The following EHBP1 variants were observed in gnomAD, a reference collection of about 807,000 sequenced individuals.
EHBP1 encodes the protein EH domain binding protein 1, also known as EH domain-binding protein 1.
EHBP1 carries 55 observed loss-of-function variants against 144.0 expected under a neutral mutation model. The ratio of observed to expected loss-of-function variants is 0.38; its 90% confidence interval spans 0.31 to 0.48. The LOEUF (loss-of-function observed/expected upper bound fraction) is 0.48. Among genes scored for constraint, EHBP1 ranks in the 20% least tolerant of loss-of-function variants. EHBP1 has a pLI of 0.98. For synonymous variants in EHBP1, 469 were observed against 472.7 expected, an observed-to-expected ratio of 0.99 and a Z score of 0.10; for missense variants, 1,200 against 1,364.2, an observed-to-expected ratio of 0.88 and a Z score of 1.90.
At chr2:62,695,830 A>G (rs752431210) in intron 1 of EHBP1, among the ~76,000 whole-genome samples, 46 of 152,058 alleles carry the variant, frequency 3.0e-4, no homozygotes, top group Non-Finnish European at 5.6e-4. Flanking sequence ...CTCCCACCCC[A>G]GCCTTCCAAG....
At chr2:62,887,962 T>C (rs192662954) in intron 10 of EHBP1, among the ~76,000 whole-genome samples, 2 of 152,324 alleles carry the variant, frequency 1.3e-5, no homozygotes, top group Non-Finnish European at 2.9e-5. Context: ...GAATTACTGG[T>C]GAGGAAGTTG....
At chr2:62,969,625 C>T (rs2058404407) in intron 14 of EHBP1, among the ~76,000 whole-genome samples, 1 of 151,942 alleles carries the variant, frequency 6.6e-6, no homozygotes, top group African/African-American at 2.4e-5. Flanking sequence ...GTATCTTAAA[C>T]AAATCCAAAA....
chr2:62,749,824 G>A (rs2039509358), intron 3 of EHBP1, among the ~76,000 whole-genome samples: 1 of 152,124 alleles, frequency 6.6e-6, no homozygotes, highest in African/African-American at 2.4e-5. Flanking sequence ...ACTTGTTGAT[G>A]GAGTTGTTTG....
chr2:62,981,770 G>C (rs1026404679), intron 15 of EHBP1, among the ~76,000 whole-genome samples: 1 of 152,180 alleles, frequency 6.6e-6, no homozygotes, highest in Non-Finnish European at 1.5e-5. Flanking sequence ...GATCTATAGA[G>C]TTGGCAAGGA....
At chr2:62,931,823 C>T (rs762474374) in intron 10 of EHBP1, among the ~76,000 whole-genome samples, 113 of 152,002 alleles carry the variant, frequency 7.4e-4, no homozygotes, top group Non-Finnish European at 1.5e-3. Flanking sequence ...GTTGAAAAAG[C>T]GAAGTATGAT....
chr2:62,972,232 A>T (rs981587535), intron 14 of EHBP1, among the ~76,000 whole-genome samples: 5 of 152,196 alleles, frequency 3.3e-5, no homozygotes, highest in African/African-American at 1.2e-4. Context: ...TCTTAGGTTT[A>T]GGCAAACTCA....
At chr2:62,801,044 A>G (rs2043940610) in intron 5 of EHBP1, among the ~76,000 whole-genome samples, 3 of 152,230 alleles carry the variant, frequency 2.0e-5, no homozygotes, top group Non-Finnish European at 4.4e-5. Flanking sequence ...CTGGATTTTT[A>G]TATCCTGTTT....
chr2:62,804,739 G>A (rs1376822321), intron 5 of EHBP1, among the ~76,000 whole-genome samples: 1 of 152,210 alleles, frequency 6.6e-6, no homozygotes, highest in Non-Finnish European at 1.5e-5. Flanking sequence ...GGCCTGTTAG[G>A]AACCAGGCTG....
chr2:62,720,486 T>G (rs1312333511), intron 2 of EHBP1, among the ~76,000 whole-genome samples: 1 of 152,190 alleles, frequency 6.6e-6, no homozygotes, highest in Non-Finnish European at 1.5e-5. Context: ...TTCTTCTCTT[T>G]CCCTCTCCAA....
chr2:62,685,492 G>T (rs1050361437), intron 1 of EHBP1, among the ~76,000 whole-genome samples: 2 of 152,024 alleles, frequency 1.3e-5, no homozygotes, highest in African/African-American at 2.4e-5. Context: ...TCTCTCTGTG[G>T]TTGTCTGTGT....
chr2:62,974,964 G>A (rs941026641), intron 14 of EHBP1, among the ~76,000 whole-genome samples: 3 of 152,186 alleles, frequency 2.0e-5, no homozygotes, highest in African/African-American at 7.2e-5. Flanking sequence ...AAATTCTGTA[G>A]GTCAGGAGTT....
At chr2:62,761,971 C>T (rs192684045) in intron 3 of EHBP1, among the ~76,000 whole-genome samples, 55 of 152,254 alleles carry the variant, frequency 3.6e-4, no homozygotes, top group Non-Finnish European at 6.3e-4. Context: ...TCTTTGTTCT[C>T]GTCACTTTAC....
At chr2:62,741,990 C>T (rs1267510892) in intron 2 of EHBP1, among the ~76,000 whole-genome samples, 2 of 152,064 alleles carry the variant, frequency 1.3e-5, no homozygotes, top group East Asian at 1.9e-4. Flanking sequence ...TTTTTTACTG[C>T]ACCTTTTCTA....
chr2:62,739,255 G>C (rs2038453119), intron 2 of EHBP1, among the ~76,000 whole-genome samples: 1 of 152,106 alleles, frequency 6.6e-6, no homozygotes, highest in Non-Finnish European at 1.5e-5. Context: ...AATCTCTTGA[G>C]ACCCTTAAGG....
At chr2:62,754,992 G>A (rs1165923497) in intron 3 of EHBP1, among the ~76,000 whole-genome samples, 3 of 152,142 alleles carry the variant, frequency 2.0e-5, no homozygotes, top group Non-Finnish European at 4.4e-5. Context: ...TGCACCCACT[G>A]TCCTGCACCC....
At chr2:63,035,951 TAA>T (rs1458896420) in intron 19 of EHBP1, among the ~76,000 whole-genome samples, 2 of 152,000 alleles carry the variant, frequency 1.3e-5, no homozygotes, top group Admixed American at 6.6e-5. Flanking sequence ...TGTAAAACAA[TAA>T]AGACTTTTGT....
intron 19 of EHBP1, among the ~76,000 whole-genome samples, chr2:62,997,273 T>C (rs1448488213): frequency 6.6e-6 from 1 of 152,092 alleles, no homozygotes. Context: ...GTGTCACAGT[T>C]GCATTTGAAA....
chr2:62,797,203 A>G (rs1256031932), intron 5 of EHBP1, among the ~76,000 whole-genome samples: 2 of 152,292 alleles, frequency 1.3e-5, no homozygotes, highest in African/African-American at 4.8e-5. Context: ...ACTCTTAGCT[A>G]TGCATGGCTT....
At chr2:62,990,674 T>G (rs774571562) in intron 15 of EHBP1, 42 bp from the exon 16 acceptor site, 5 of 1,602,860 alleles carry the variant, frequency 3.1e-6, no homozygotes. Context: ...CATATCTAAA[T>G]GCATCTCACT....
Sources: allele counts gnomAD v4.1 joint callset (sites outside exome capture counted in the v4.1 genomes callset), GRCh38; gene constraint gnomAD v4.1.1; transcripts MANE v1.5; gene names NCBI Gene and HGNC (gene_info 2026-07-23, HGNC 2026-07-21).